Variants in GLI3 observed in about 807,000 individuals in gnomAD.
GLI3 encodes GLI family zinc finger 3, also known as transcription activator GLI3.
A neutral mutation model predicts 100.8 loss-of-function variants in GLI3; 20 were observed. The observed-to-expected ratio is 0.20, with a 90% CI of 0.14 to 0.29. The LOEUF is 0.29. Ranked by LOEUF, GLI3 falls within the 10% of genes least tolerant of loss-of-function variation. The probability of loss-of-function intolerance (pLI) is 1.00; values close to 1 mark genes in which losing one functional copy is unlikely to be tolerated. For synonymous variants in GLI3, 938 were observed against 860.5 expected (o/e 1.09, Z -1.58); for missense variants, 2,040 against 2,128.5 (o/e 0.96, Z 0.82).
At chr7:42,027,447 T>C (rs1159936304) in intron 7 of GLI3, among the ~76,000 whole-genome samples, 2 of 152,238 alleles carry the variant, frequency 1.3e-5, no homozygotes, top group Non-Finnish European at 2.9e-5. Context: ...TTTCTTGTAA[T>C]GTCAAAGTTA....
intron 5 of GLI3, among the ~76,000 whole-genome samples, chr7:42,046,192 C>T (rs1333948442): frequency 6.6e-6 from 1 of 152,170 alleles, no homozygotes; most frequent in Admixed American, 6.5e-5. Flanking sequence ...CGGTTTCCAC[C>T]TGCCAATTTT....
At chr7:42,262,419 C>T (rs1283046762) in intron 1 of GLI3, among the ~76,000 whole-genome samples, 1 of 152,020 alleles carries the variant, frequency 6.6e-6, no homozygotes, top group African/African-American at 2.4e-5. Context: ...GCCACCACAG[C>T]CAGCTAATTT....
intron 10 of GLI3, among the ~76,000 whole-genome samples, chr7:42,006,181 C>T (rs998912597): frequency 6.6e-6 from 1 of 152,208 alleles, no homozygotes; most frequent in Non-Finnish European, 1.5e-5. Context: ...GGCAACATTG[C>T]CCAGAACAAG....
At chr7:42,056,550 T>C (rs1784465162) in intron 4 of GLI3, among the ~76,000 whole-genome samples, 1 of 152,222 alleles carries the variant, frequency 6.6e-6, no homozygotes, top group African/African-American at 2.4e-5. Flanking sequence ...TGATGAATAT[T>C]TTCTTACATG....
At chr7:42,222,372 T>C (rs1194835137) in intron 2 of GLI3, among the ~76,000 whole-genome samples, 5 of 152,158 alleles carry the variant, frequency 3.3e-5, no homozygotes, top group Admixed American at 1.3e-4. Context: ...AGAATGGCTA[T>C]GAAATCTACA....
intron 10 of GLI3, among the ~76,000 whole-genome samples, chr7:42,013,025 G>A (rs1430900061): frequency 2.0e-5 from 3 of 152,222 alleles, no homozygotes; most frequent in Non-Finnish European, 2.9e-5. Flanking sequence ...TAGAGCAGCC[G>A]AGATAAGATT....
At chr7:42,015,131 A>G (rs1359514754) in intron 10 of GLI3, among the ~76,000 whole-genome samples, 3 of 152,200 alleles carry the variant, frequency 2.0e-5, no homozygotes, top group African/African-American at 4.8e-5. Context: ...GGATATTATT[A>G]TCTCCACTTT....
At chr7:42,086,670 C>T (rs182676955) in intron 3 of GLI3, among the ~76,000 whole-genome samples, 336 of 152,190 alleles carry the variant, frequency 2.2e-3, no homozygotes, top group Non-Finnish European at 3.0e-3. Flanking sequence ...ACCCCCTCTT[C>T]AAGACTCAAT....
intron 2 of GLI3, among the ~76,000 whole-genome samples, chr7:42,149,638 A>T (rs919908640): frequency 6.6e-6 from 1 of 152,340 alleles, no homozygotes; most frequent in South Asian, 2.1e-4. Flanking sequence ...TAGACATCTA[A>T]TGTAAAAACC....
At chr7:42,076,319 A>G (rs370477119) in intron 4 of GLI3, among the ~76,000 whole-genome samples, 2 of 152,226 alleles carry the variant, frequency 1.3e-5, no homozygotes, top group East Asian at 3.8e-4. Flanking sequence ...GTGTACTTAC[A>G]TAGGGGCTAT....
intron 4 of GLI3, among the ~76,000 whole-genome samples, chr7:42,063,325 C>A (rs1295083048): frequency 1.3e-5 from 2 of 151,996 alleles, no homozygotes; most frequent in Non-Finnish European, 2.9e-5. Flanking sequence ...TACTACATAT[C>A]CTCAACTCTA....
intron 10 of GLI3, among the ~76,000 whole-genome samples, chr7:42,000,781 C>T (rs1179698920): frequency 6.6e-6 from 1 of 152,026 alleles, no homozygotes; most frequent in African/African-American, 2.4e-5. Context: ...ACCAAGGAAA[C>T]CAAATCAGAT....
At chr7:42,061,432 T>A (rs1018018109) in intron 4 of GLI3, among the ~76,000 whole-genome samples, 1 of 152,212 alleles carries the variant, frequency 6.6e-6, no homozygotes, top group Non-Finnish European at 1.5e-5. Flanking sequence ...ATCTCACTCC[T>A]ACTTCCCCTG....
At chr7:42,176,398 G>C (rs1787480297) in intron 2 of GLI3, among the ~76,000 whole-genome samples, 1 of 152,106 alleles carries the variant, frequency 6.6e-6, no homozygotes, top group South Asian at 2.1e-4. Flanking sequence ...ATCAGCTCAG[G>C]TTTCTAAACC....
intron 2 of GLI3, among the ~76,000 whole-genome samples, chr7:42,192,912 C>G (rs1244067374): frequency 1.3e-5 from 2 of 152,164 alleles, no homozygotes; most frequent in African/African-American, 4.8e-5. Context: ...CGAGAACCAG[C>G]AGGACCTGAG....
At chr7:41,976,873 A>C (rs1471534960) in intron 12 of GLI3, among the ~76,000 whole-genome samples, 2 of 152,216 alleles carry the variant, frequency 1.3e-5, no homozygotes. Context: ...ATTTGGAATA[A>C]TTTTTATTCT....
intron 1 of GLI3, among the ~76,000 whole-genome samples, chr7:42,251,126 T>C (rs777729324): frequency 5.3e-5 from 8 of 152,208 alleles, no homozygotes; most frequent in Non-Finnish European, 1.2e-4. Context: ...TTAAGTACTG[T>C]CCTGGGGCAA....
chr7:41,972,503 A>C lies in GLI3; in HGVS notation c.1937T>G (p.Ile646Ser). The C allele has an allele frequency of 6.2e-7, 1 of 1,612,904 alleles. No individual in the cohort carries two copies. Among genetic ancestry groups the C allele is most frequent in the East Asian group, 2.2e-5 (1 of 44,814 alleles). The change falls in exon 13 of 15, where the codon ATC (isoleucine) becomes AGC (serine). Residue 646 changes from isoleucine to serine, a missense_variant. By Grantham distance (142) the Ile-to-Ser change is moderately radical. Around this residue, in one of 5 missense-constraint regions of GLI3, gnomAD observed 327 missense variants for 338.7 expected, o/e 0.97. Transcript: ENST00000395925. This position sits in a 1 kb window ranked among gnomAD's most constrained non-coding sequence, Gnocchi z 4.4. ...TCTCGGGGGTGGCGGCCGAGGATGG[A>C]TGTCCCCTCGCTGCTTCTTGGTGAC... is the stretch of plus-strand genomic sequence containing the variant. ...AHVTKKQRGD[I>S]HPRPPPPRDS...
At chr7:42,234,015 C>T (rs1788742615) in intron 1 of GLI3, among the ~76,000 whole-genome samples, 1 of 152,288 alleles carries the variant, frequency 6.6e-6, no homozygotes, top group Non-Finnish European at 1.5e-5. Context: ...GCCAGCAAAA[C>T]TAAAACCTCC....
Sources: gnomAD v4.1 joint callset for allele counts (sites outside exome capture counted in the v4.1 genomes callset) on GRCh38, gnomAD v4.1.1 for gene constraint, gnomAD v4.1.1 regional missense constraint, Gnocchi (gnomAD v3.1) non-coding constraint, MANE v1.5 for transcripts, NCBI Gene and HGNC (gene_info 2026-07-23, HGNC 2026-07-21) for gene names.